SH2B1: variants seen among roughly 807,000 people sequenced by gnomAD.
SH2B1 encodes SH2B adaptor protein 1, also known as SH2B adapter protein 1.
SH2B1 carries 15 observed loss-of-function variants against 62.6 expected under a neutral mutation model. The ratio of observed to expected loss-of-function variants is 0.24; its 90% confidence interval spans 0.16 to 0.37. SH2B1 has a LOEUF of 0.37. Ranked by LOEUF, SH2B1 falls within the 10% of genes least tolerant of loss-of-function variation. SH2B1 has a pLI of 1.00. For missense variants in SH2B1, 925 were observed against 1,015.6 expected, an observed-to-expected ratio of 0.91 and a Z score of 1.21; for synonymous variants, 443 against 438.0, an observed-to-expected ratio of 1.01 and a Z score of -0.14.
At chr16:28,860,622 C>T (rs150223546), upstream of SH2B1, among the ~76,000 whole-genome samples, 4 of 152,138 alleles carry the variant, frequency 2.6e-5, no homozygotes, top group Admixed American at 6.6e-5. Flanking sequence ...CACCAAGTCA[C>T]GCAGCAGTCT....
chr16:28,863,932 G>T lies in SH2B1; in HGVS notation c.-2163G>T. 6.7e-7 allele frequency: 1 copy of T among 1,482,410 alleles called. No individual in the cohort carries two copies. The highest frequency in any genetic ancestry group is 8.9e-7 in the Non-Finnish European group (1 of 1,123,336). The allele number at this position is 1,482,410 out of a possible 1,614,324, so 91.8% of individuals were successfully genotyped here. On this transcript the variant is annotated 5_prime_UTR_variant, in exon 1 of 8. Transcript: ENST00000684370. ...CCGCCGCCGCCGGAGCTAACCTCGG[G>T]GACCGAGATGCAGGTGGGACCGGAA...
rs1409174987 is a variant in SH2B1, at chr16:28,865,717, A to G, written c.-378A>G. 3 of 1,024,898 alleles carry G rather than the reference A, an allele frequency of 2.9e-6. No individual in the cohort carries two copies. Among genetic ancestry groups the G allele is most frequent in the Non-Finnish European group, 3.5e-6 (3 of 856,804 alleles). The allele number at this position is 1,024,898 out of a possible 1,614,324, so 63.5% of individuals were successfully genotyped here. On this transcript the variant is annotated 5_prime_UTR_variant, in exon 1 of 8. Transcript: ENST00000684370. ...GATGTAGAGGGGGGGTGATCTGGAA[A>G]AGTTCCCTTTTTTAGGGGGAAGGTG...
chr16:28,862,647 G>C (rs1032335816), upstream of SH2B1: 5 of 128,666 alleles, frequency 3.9e-5, no homozygotes, highest in African/African-American at 1.5e-4. Context: ...AGGGAGTCTA[G>C]CTCTGTTGCC....
intron 4 of SH2B1, among the ~76,000 whole-genome samples, chr16:28,871,072 C>T (rs920386884): frequency 1.3e-5 from 2 of 151,632 alleles, no homozygotes; most frequent in African/African-American, 2.4e-5. Context: ...GGCTGCAGTG[C>T]AGTGAAACAA....
At position 28,873,359 on chromosome 16, in the gene SH2B1, C is replaced by CGTGG. The variant is rs1316783525; in HGVS notation, c.1898-87_1898-86insTGGG. The stretch of plus-strand genomic sequence containing the variant: ...GAGATGGGATGTGGGGAGACAGCCA[C>CGTGG]GCTCCTGGGGGGCTGAGTGAAGGGG... On this transcript the variant is annotated intron_variant, in intron 7 of 7. Transcript: ENST00000684370. The surrounding 1 kb of genome is among the most constrained non-coding windows in gnomAD (Gnocchi z 4.2). 5 of 1,586,858 alleles carry CGTGG rather than the reference C, an allele frequency of 3.2e-6. No individual in the cohort carries two copies. The highest frequency in any genetic ancestry group is 4.3e-6 in the Non-Finnish European group (5 of 1,170,522).
Position 28,873,818 on chromosome 16 carries a change from T to G in SH2B1, c.2269T>G (p.Ter757GlyextTer97). Reference sequence around the variant, plus strand: ...CATTAACAACCAGTACTCCTTCGTGTGAGCCAACCCCACCCGCTCCACCCT... The same window carrying G: ...CATTAACAACCAGTACTCCTTCGTGGGAGCCAACCCCACCCGCTCCACCCT... ...RAINNQYSFV[*>G] Residue 757 changes from the stop codon to glycine, a stop_lost, in exon 8 of 8, where the codon TGA becomes GGA. Coordinates refer to ENST00000684370, the MANE Select transcript of SH2B1 (RefSeq NM_001387430.1). The surrounding 1 kb of genome is among the most constrained non-coding windows in gnomAD (Gnocchi z 4.2). 7.0e-7 allele frequency: 1 copy of G among 1,434,858 alleles called. No homozygotes were observed. Among genetic ancestry groups the G allele is most frequent in the Non-Finnish European group, 9.1e-7 (1 of 1,095,992 alleles). 88.9% of individuals were successfully genotyped at this position (1,434,858 alleles called of 1,614,324 possible). A position where few individuals can be genotyped will look rare whatever the true frequency, so the allele number is the denominator to read the frequency against.
rs1170595096 is a variant in SH2B1 at position 28,852,540 on chromosome 16, T to TTA, written c.-301+5722_-301+5723dup. On this transcript the variant is annotated intron_variant, in intron 1 of 10. Transcript: ENST00000322610. ...TATATTTATATATATACACATATAT[T>TTA]TATATATATACACATATTTATATAT... Among the ~76,000 whole-genome samples, 2 of 35,062 alleles carry TTA rather than the reference T, an allele frequency of 5.7e-5. 1 individual carries two copies. Among genetic ancestry groups the TTA allele is most frequent in the Non-Finnish European group, 8.1e-5 (2 of 24,830 alleles). The allele number at this position is 35,062 out of a possible 152,430, so 23.0% of individuals were successfully genotyped here.
At chr16:28,852,383 T>A (rs1316822622) in intron 1 of SH2B1, among the ~76,000 whole-genome samples, 1 of 79,476 alleles carries the variant, frequency 1.3e-5, no homozygotes, top group Non-Finnish European at 2.1e-5. Context: ...TTTACATATA[T>A]TTATATATAT....
intron 4 of SH2B1, among the ~76,000 whole-genome samples, chr16:28,869,901 C>T (rs1448946822): frequency 1.3e-5 from 2 of 152,236 alleles, no homozygotes; most frequent in East Asian, 1.9e-4. Flanking sequence ...TTTCTCCTGA[C>T]CCTCTGTTCT....
At chr16:28,852,982 T>TGTACA (rs1962217067) in intron 1 of SH2B1, among the ~76,000 whole-genome samples, 2 of 65,908 alleles carry the variant, frequency 3.0e-5, no homozygotes, top group African/African-American at 1.4e-4. Flanking sequence ...TACATATATA[T>TGTACA]TTTATATGTA....
Position 28,852,261 on chromosome 16 carries a change from C to CAT in SH2B1, c.-301+5443_-301+5444dup, listed in dbSNP as rs1156273952. Among the ~76,000 whole-genome samples the CAT allele has an allele frequency of 2.4e-4, 17 of 71,742 alleles. 2 individuals are homozygous for CAT. The highest frequency in any genetic ancestry group is 6.5e-4 in the African/African-American group (8 of 12,314). 47.1% of individuals were successfully genotyped at this position (71,742 alleles called of 152,430 possible). A position where few individuals can be genotyped will look rare whatever the true frequency, so the allele number is the denominator to read the frequency against. ...ATATATATTTACATATATATATTTA[C>CAT]ATATATATATTTACATATATATATT... is the stretch of plus-strand genomic sequence containing the variant. On this transcript the variant is annotated intron_variant, in intron 1 of 10. Coordinates refer to the SH2B1 transcript ENST00000322610.
At chr16:28,862,020 C>G (rs1048169833), upstream of SH2B1, 1 of 152,218 alleles carries the variant, frequency 6.6e-6, no homozygotes, top group African/African-American at 2.4e-5. Context: ...CCACAGGTTC[C>G]TGATATCTTC....
At chr16:28,851,912 C>G (rs963384804) in intron 1 of SH2B1, among the ~76,000 whole-genome samples, 1 of 149,754 alleles carries the variant, frequency 6.7e-6, no homozygotes, top group Non-Finnish European at 1.5e-5. Flanking sequence ...ATTAAAAATA[C>G]AAAAAATAGT....
chr16:28,857,833 G>A (rs1194114438), intron 1 of SH2B1, among the ~76,000 whole-genome samples: 3 of 151,640 alleles, frequency 2.0e-5, no homozygotes, highest in African/African-American at 7.3e-5. Context: ...TCCGCCTCCT[G>A]GGTTCACGCC....
chr16:28,860,122 C>T (rs1962409744), upstream of SH2B1, among the ~76,000 whole-genome samples: 1 of 152,110 alleles, frequency 6.6e-6, no homozygotes, highest in East Asian at 1.9e-4. Context: ...TCAGATCTTC[C>T]TCAAGATAGA....
intron 1 of SH2B1, among the ~76,000 whole-genome samples, chr16:28,850,730 G>C (rs1435512139): frequency 6.6e-5 from 10 of 151,588 alleles, no homozygotes; most frequent in Non-Finnish European, 2.9e-5. Context: ...GTGGTGGCAC[G>C]TGCCTGTAGT....
At chr16:28,867,270 G>A in intron 1 of SH2B1, 61 bp from the exon 2 acceptor site, 1 of 1,368,520 alleles carries the variant, frequency 7.3e-7, no homozygotes, top group Non-Finnish European at 1.0e-6. Flanking sequence ...ATGTCTGGAG[G>A]GAGGGGAAGA....
At chr16:28,853,926 C>T (rs1033662218) in intron 1 of SH2B1, among the ~76,000 whole-genome samples, 3 of 147,534 alleles carry the variant, frequency 2.0e-5, no homozygotes, top group African/African-American at 2.5e-5. Context: ...GCGTAAAACC[C>T]GGGAGGTGGA....
upstream of SH2B1, among the ~76,000 whole-genome samples, chr16:28,860,398 C>T (rs552705957): frequency 1.2e-3 from 189 of 152,008 alleles, 1 homozygote; most frequent in African/African-American, 4.3e-3. Context: ...ATTACAGGTG[C>T]GTGCCACCAC....
Sources: gnomAD v4.1 joint callset for allele counts (sites outside exome capture counted in the v4.1 genomes callset) on GRCh38, gnomAD v4.1.1 for gene constraint, Gnocchi (gnomAD v3.1) non-coding constraint, MANE v1.5 for transcripts, NCBI Gene and HGNC (gene_info 2026-07-23, HGNC 2026-07-21) for gene names.